KIAA1549: variants seen among roughly 807,000 people sequenced by gnomAD.
The protein encoded by KIAA1549 is UPF0606 protein KIAA1549.
KIAA1549 carries 70 observed loss-of-function variants against 156.4 expected under a neutral mutation model. That is an observed-to-expected ratio of 0.45 (90% confidence interval 0.37 to 0.55). KIAA1549 has a LOEUF of 0.55. Ranked by LOEUF, KIAA1549 falls within the 20% of genes least tolerant of loss-of-function variation. KIAA1549 has a pLI of 0.00. For missense variants in KIAA1549, 2,428 were observed against 2,540.9 expected (o/e 0.96, Z 0.96); for synonymous variants, 1,103 against 1,066.4 (o/e 1.03, Z -0.67).
intron 16 of KIAA1549, among the ~76,000 whole-genome samples, chr7:138,855,304 T>C (rs1002993815): frequency 6.6e-6 from 1 of 152,166 alleles, no homozygotes; most frequent in Non-Finnish European, 1.5e-5. Context: ...ATCCAAGGCG[T>C]TGGACCTTCA....
intron 1 of KIAA1549, among the ~76,000 whole-genome samples, chr7:138,961,302 A>T (rs1813838311): frequency 6.6e-6 from 1 of 152,248 alleles, no homozygotes; most frequent in Admixed American, 6.5e-5. Flanking sequence ...CTTCTTTTGA[A>T]GTCTATGACG....
Position 138,970,577 on chromosome 7 carries a change from GC to G in KIAA1549, c.187+10505del, listed in dbSNP as rs1320281131. ...TTCTGAGCCTCTCAAGCTTTGGTGT[GC>G]ACACAAGTCACCTGGAGGTGCTTTC... On this transcript the variant is annotated intron_variant, in intron 1 of 19. Coordinates refer to ENST00000422774, the MANE Select transcript of KIAA1549 (RefSeq NM_001164665.2). 5.3e-5 allele frequency among the ~76,000 whole-genome samples: 8 copies of G among 152,324 alleles called. No individual in the cohort carries two copies. The East Asian group carries it at 1.5e-3, about 29-fold the overall frequency.
intron 1 of KIAA1549, among the ~76,000 whole-genome samples, chr7:138,935,857 G>A (rs1346615461): frequency 6.6e-6 from 1 of 152,222 alleles, no homozygotes; most frequent in Non-Finnish European, 1.5e-5. Flanking sequence ...GGTCACGCCG[G>A]CTGGAAGCAG....
chr7:138,950,239 G>C (rs1813455432), intron 1 of KIAA1549, among the ~76,000 whole-genome samples: 1 of 152,100 alleles, frequency 6.6e-6, no homozygotes, highest in Non-Finnish European at 1.5e-5. Flanking sequence ...TAATACATTA[G>C]ATCTTTTATT....
At chr7:138,911,770 T>C (rs1349814525) in intron 3 of KIAA1549, among the ~76,000 whole-genome samples, 1 of 152,230 alleles carries the variant, frequency 6.6e-6, no homozygotes, top group African/African-American at 2.4e-5. Flanking sequence ...AAAACACTAT[T>C]AATGAGATAT....
At chr7:138,880,407 A>G (rs530402404) in intron 11 of KIAA1549, among the ~76,000 whole-genome samples, 1 of 152,356 alleles carries the variant, frequency 6.6e-6, no homozygotes, top group Admixed American at 6.5e-5. Context: ...CAAAATAATT[A>G]ATCAAATAGC....
chr7:138,899,195 G>A, intron 8 of KIAA1549, 63 bp from the exon 9 acceptor site: 1 of 1,478,482 alleles, frequency 6.8e-7, no homozygotes, highest in Non-Finnish European at 9.4e-7. Context: ...CCTCTCTCAG[G>A]TTGCTGAATC....
rs1399847863 is a variant in KIAA1549, at chr7:138,871,288, G to A, written c.4420C>T (p.Arg1474Cys). The A allele has an allele frequency of 9.3e-6, 15 of 1,609,448 alleles. No individual in the cohort carries two copies. Among genetic ancestry groups the A allele is most frequent in the African/African-American group, 1.3e-5 (1 of 74,938 alleles). ...ACCCGCCGGCTAGCCTCCGGGGGGC[G>A]GGAGATCCTGTCCACGTGCTCGAAG... is the stretch of plus-strand genomic sequence containing the variant. ...SIFEHVDRIS[R>C]PPEASRRVPS... Residue 1474 changes from arginine (R) to cysteine (C), a missense_variant, in exon 13 of 20, where the codon CGC becomes TGC. Around this residue, in one of 5 missense-constraint regions of KIAA1549, gnomAD observed 404 missense variants for 417.0 expected, o/e 0.97. Coordinates refer to ENST00000422774, the MANE Select transcript of KIAA1549 (RefSeq NM_001164665.2).
At chr7:138,935,366 CT>C (rs1297955469) in intron 1 of KIAA1549, among the ~76,000 whole-genome samples, 1 of 152,152 alleles carries the variant, frequency 6.6e-6, no homozygotes, top group African/African-American at 2.4e-5. Context: ...CTTTGTTTTG[CT>C]TTATTCTTTC....
chr7:138,966,908 T>C (rs551425444), intron 1 of KIAA1549, among the ~76,000 whole-genome samples: 1 of 152,206 alleles, frequency 6.6e-6, no homozygotes, highest in Admixed American at 6.5e-5. Context: ...TATGAGACAA[T>C]AACCTTCTGT....
At chr7:138,913,021 C>T (rs1812213791) in intron 2 of KIAA1549, among the ~76,000 whole-genome samples, 1 of 152,142 alleles carries the variant, frequency 6.6e-6, no homozygotes, top group African/African-American at 2.4e-5. Context: ...ACTACAGGTG[C>T]CTGCCACCAC....
intron 16 of KIAA1549, among the ~76,000 whole-genome samples, chr7:138,860,443 T>C (rs1461634978): frequency 2.0e-5 from 3 of 152,258 alleles, no homozygotes; most frequent in Non-Finnish European, 4.4e-5. Flanking sequence ...AAATTCATAT[T>C]GTGACCTATT....
chr7:138,863,839 C>T (rs191938389), intron 15 of KIAA1549, among the ~76,000 whole-genome samples: 63 of 152,318 alleles, frequency 4.1e-4, no homozygotes, highest in Admixed American at 3.9e-3. Flanking sequence ...GGAGGTTCTA[C>T]TAAATGAGAT....
intron 16 of KIAA1549, among the ~76,000 whole-genome samples, chr7:138,858,687 A>G (rs1810463883): frequency 6.6e-6 from 1 of 152,034 alleles, no homozygotes; most frequent in South Asian, 2.1e-4. Flanking sequence ...TGGAAAAGGA[A>G]CCATATCCCT....
At chr7:138,956,928 G>A (rs545305236) in intron 1 of KIAA1549, among the ~76,000 whole-genome samples, 4 of 99,744 alleles carry the variant, frequency 4.0e-5, no homozygotes, top group Admixed American at 3.4e-4. Context: ...AGGGGCTAAG[G>A]CACAATCTCT....
chr7:138,918,458 T>A lies in KIAA1549; in HGVS notation c.1168A>T (p.Thr390Ser), dbSNP rs949757161. ...NPFLPSDSSKTSELHSNSALP... is the reference protein window; with the variant it reads ...NPFLPSDSSKSSELHSNSALP... The stretch of plus-strand genomic sequence containing the variant: ...GCTGAATTGCTATGCAATTCGGATG[T>A]TTTGCTGGAGTCGCTAGGGAGAAAG... Residue 390 changes from threonine (T) to serine (S), a missense_variant, in exon 2 of 20, where the codon ACA becomes TCA. Thr to Ser is a moderately conservative substitution (Grantham distance 58). Transcript: ENST00000422774. This position sits in a 1 kb window ranked among gnomAD's most constrained non-coding sequence, Gnocchi z 4.2. 5.0e-6 allele frequency: 8 copies of A among 1,613,926 alleles called. No individual in the cohort carries two copies. Among genetic ancestry groups the A allele is most frequent in the Non-Finnish European group, 6.8e-6 (8 of 1,179,868 alleles).
chr7:138,891,640 G>C (rs894692189), intron 10 of KIAA1549, among the ~76,000 whole-genome samples: 15 of 152,182 alleles, frequency 9.9e-5, no homozygotes, highest in African/African-American at 3.4e-4. Context: ...GAGGGGAAGG[G>C]GGGTGCAGAT....
chr7:138,903,829 GT>G, intron 7 of KIAA1549, 93 bp from the exon 8 acceptor site: 1 of 341,542 alleles, frequency 2.9e-6, no homozygotes, highest in South Asian at 4.1e-5. Flanking sequence ...GTGTGTGTGT[GT>G]GTGTGTGTGT....
chr7:138,903,315 C>CA (rs915448921), intron 8 of KIAA1549, among the ~76,000 whole-genome samples: 2 of 152,190 alleles, frequency 1.3e-5, no homozygotes, highest in African/African-American at 4.8e-5. Context: ...GATGATATGG[C>CA]AACCCAGTAA....
Sources: gnomAD v4.1 joint callset for allele counts (sites outside exome capture counted in the v4.1 genomes callset) on GRCh38, gnomAD v4.1.1 for gene constraint, gnomAD v4.1.1 regional missense constraint, Gnocchi (gnomAD v3.1) non-coding constraint, MANE v1.5 for transcripts, NCBI Gene and HGNC (gene_info 2026-07-23, HGNC 2026-07-21) for gene names.